RIPOR2: variants seen among roughly 807,000 people sequenced by gnomAD.
RIPOR2 encodes RHO family interacting cell polarization regulator 2.
In RIPOR2, 39 loss-of-function variants were observed where a neutral mutation model predicts 114.5. The ratio of observed to expected loss-of-function variants is 0.34; its 90% confidence interval spans 0.26 to 0.44. RIPOR2 has a LOEUF of 0.44. Ranked by LOEUF, RIPOR2 falls within the 20% of genes least tolerant of loss-of-function variation. The probability of loss-of-function intolerance (pLI) is 1.00; values close to 1 mark genes in which losing one functional copy is unlikely to be tolerated. For synonymous variants in RIPOR2, 445 were observed against 484.4 expected, an observed-to-expected ratio of 0.92 and a Z score of 1.07; for missense variants, 1,007 against 1,255.1, an observed-to-expected ratio of 0.80 and a Z score of 2.99.
At chr6:24,841,758 C>A (rs926970929) in intron 13 of RIPOR2, among the ~76,000 whole-genome samples, 1 of 151,972 alleles carries the variant, frequency 6.6e-6, no homozygotes, top group Non-Finnish European at 1.5e-5. Context: ...GTTGGGACTA[C>A]AGGTGTGTGC....
chr6:24,963,944 A>C (rs1773412500), intron 1 of RIPOR2, among the ~76,000 whole-genome samples: 1 of 152,128 alleles, frequency 6.6e-6, no homozygotes, highest in Admixed American at 6.5e-5. Flanking sequence ...CTGTTTTTTG[A>C]GACAGGTTCT....
At chr6:25,000,357 C>T (rs1339391903) in intron 1 of RIPOR2, among the ~76,000 whole-genome samples, 2 of 152,180 alleles carry the variant, frequency 1.3e-5, no homozygotes, top group Non-Finnish European at 1.5e-5. Flanking sequence ...CATCTTCCTC[C>T]CCGACTGTAC....
At chr6:24,989,770 C>T (rs998755547) in intron 1 of RIPOR2, among the ~76,000 whole-genome samples, 2 of 151,826 alleles carry the variant, frequency 1.3e-5, no homozygotes, top group Non-Finnish European at 1.5e-5. Context: ...CCTGGCTGGG[C>T]GCGGTGATCC....
At chr6:24,841,492 G>T (rs75985316) in intron 13 of RIPOR2, among the ~76,000 whole-genome samples, 3,850 of 151,996 alleles carry the variant, frequency 0.025, 162 homozygotes, top group African/African-American at 0.084. Flanking sequence ...TCATCTGCCT[G>T]GGGCACAAAT....
chr6:24,844,387 G>A (rs1446339230), intron 12 of RIPOR2, among the ~76,000 whole-genome samples: 1 of 151,984 alleles, frequency 6.6e-6, no homozygotes, highest in Non-Finnish European at 1.5e-5. Flanking sequence ...GCTGTGGTCT[G>A]TGTATAATGC....
In RIPOR2 at chr6:24,819,657, A is replaced by G. The variant is rs561469600; in HGVS notation, c.2869-1032T>C. 7.1e-3 allele frequency among the ~76,000 whole-genome samples: 490 copies of G among 68,728 alleles called. 5 individuals are homozygous for G. Among genetic ancestry groups the G allele is most frequent in the Non-Finnish European group, 0.01 (328 of 32,042 alleles). The allele number at this position is 68,728 out of a possible 152,430, so 45.1% of individuals were successfully genotyped here. ...ATTACAGGTGCCCACCACCACGCCC[A>G]GCTAATTTTTTTTTTTTTTTTTTTT... is the stretch of plus-strand genomic sequence containing the variant. On this transcript the variant is annotated intron_variant, in intron 19 of 21. Coordinates refer to ENST00000643898, the MANE Select transcript of RIPOR2 (RefSeq NM_001286445.3).
In RIPOR2 at chr6:24,902,295, A is replaced by T. The variant is rs370039368; in HGVS notation, c.62-26478T>A. ...AGTGGCGCGATCTTGGCTCACTGCA[A>T]CCTCCGCCTCCTGGGTTCAAGTGAT... On this transcript the variant is annotated intron_variant, in intron 1 of 21. Transcript: ENST00000643898. 2.5e-4 allele frequency among the ~76,000 whole-genome samples: 38 copies of T among 151,196 alleles called. No homozygotes were observed. In the South Asian group the frequency reaches 4.6e-3, roughly 18 times the overall value.
chr6:24,954,734 C>T (rs1183353718), intron 1 of RIPOR2, among the ~76,000 whole-genome samples: 5 of 152,056 alleles, frequency 3.3e-5, no homozygotes, highest in Non-Finnish European at 7.4e-5. Flanking sequence ...AGGTGTGAAC[C>T]ACTGCACTCA....
intron 1 of RIPOR2, among the ~76,000 whole-genome samples, chr6:24,929,923 A>T (rs35129954): frequency 0.027 from 4,160 of 152,274 alleles, 81 homozygotes; most frequent in East Asian, 0.11. Context: ...AAAAAATTAA[A>T]AAATTAGCTG....
chr6:24,833,000 C>G (rs1161273634), intron 15 of RIPOR2, among the ~76,000 whole-genome samples: 1 of 152,120 alleles, frequency 6.6e-6, no homozygotes, highest in Admixed American at 6.6e-5. Flanking sequence ...AATTGAGGCA[C>G]AGAGAGGTTA....
chr6:24,810,241 T>C (rs951963638), intron 20 of RIPOR2, among the ~76,000 whole-genome samples: 1 of 152,194 alleles, frequency 6.6e-6, no homozygotes, highest in African/African-American at 2.4e-5. Context: ...CAGAATTTCC[T>C]GGGATGGGGC....
chr6:25,003,309 T>A (rs909028548), intron 1 of RIPOR2, among the ~76,000 whole-genome samples: 3 of 151,974 alleles, frequency 2.0e-5, no homozygotes, highest in African/African-American at 7.3e-5. Flanking sequence ...AAGAGGTATC[T>A]CAAGATTTAT....
upstream of RIPOR2, among the ~76,000 whole-genome samples, chr6:24,938,623 G>A (rs1389245167): frequency 6.6e-6 from 1 of 152,150 alleles, no homozygotes. Flanking sequence ...TTCCCAAATT[G>A]AAGGCTCAAT....
At chr6:24,836,174 T>C in intron 14 of RIPOR2, 1 of 341,334 alleles carries the variant, frequency 2.9e-6, no homozygotes, top group Admixed American at 4.0e-5. Flanking sequence ...ATTTTGAATG[T>C]GTTGCACTTT....
In RIPOR2 at chr6:24,858,598, G is replaced by A. The variant is rs1439822659; in HGVS notation, c.715+2375C>T. On this transcript the variant is annotated intron_variant, in intron 8 of 21. Transcript: ENST00000643898. This position sits in a 1 kb window ranked among gnomAD's most constrained non-coding sequence, Gnocchi z 4.0. ...ACCATTGAAAGCCTTCACAGATGTA[G>A]TTTCTGAGTTTGCCTGTTAGATGAG... Among the ~76,000 whole-genome samples, 2 of 152,136 alleles carry A rather than the reference G, an allele frequency of 1.3e-5. No individual in the cohort carries two copies. Among genetic ancestry groups the A allele is most frequent in the Non-Finnish European group, 2.9e-5 (2 of 68,012 alleles).
intron 1 of RIPOR2, among the ~76,000 whole-genome samples, chr6:24,878,519 C>T (rs926586912): frequency 1.1e-4 from 17 of 152,046 alleles, no homozygotes; most frequent in African/African-American, 3.9e-4. Context: ...TTAGAGTATT[C>T]GAAATATTTA....
chr6:24,947,706 G>A (rs1364209054), intron 1 of RIPOR2, among the ~76,000 whole-genome samples: 1 of 151,676 alleles, frequency 6.6e-6, no homozygotes. Flanking sequence ...ATAAAGGATG[G>A]GGAGGAGAAG....
intron 9 of RIPOR2, among the ~76,000 whole-genome samples, chr6:24,852,142 G>A (rs1763019233): frequency 6.6e-6 from 1 of 152,076 alleles, no homozygotes; most frequent in Admixed American, 6.6e-5. Flanking sequence ...CACACCTGTA[G>A]TCCCAGCTAC....
At chr6:24,976,846 G>C in intron 1 of RIPOR2, 1 of 1,610,360 alleles carries the variant, frequency 6.2e-7, no homozygotes, top group Non-Finnish European at 8.5e-7. Flanking sequence ...AGACTGAGTG[G>C]TTGGATGGCA....
Sources: allele counts gnomAD v4.1 joint callset (sites outside exome capture counted in the v4.1 genomes callset), GRCh38; gene constraint gnomAD v4.1.1; non-coding constraint Gnocchi (gnomAD v3.1); transcripts MANE v1.5; gene names NCBI Gene and HGNC (gene_info 2026-07-23, HGNC 2026-07-21).